Variants in CNTN3 observed in about 807,000 individuals in gnomAD.
CNTN3 encodes the protein contactin 3.
In CNTN3, 60 loss-of-function variants were observed where a neutral mutation model predicts 119.1. That is an observed-to-expected ratio of 0.50 (90% CI 0.41 to 0.62). The LOEUF (loss-of-function observed/expected upper bound fraction) is 0.62. Among genes scored for constraint, CNTN3 ranks in the 20% least tolerant of loss-of-function variants. The probability of loss-of-function intolerance (pLI) is 0.00; values close to 1 mark genes in which losing one functional copy is unlikely to be tolerated. For missense variants in CNTN3, 1,101 were observed against 1,242.4 expected, an observed-to-expected ratio of 0.89 and a Z score of 1.71; for synonymous variants, 450 against 438.7, an observed-to-expected ratio of 1.03 and a Z score of -0.32.
chr3:74,407,553 G>T (rs2106863323), intron 5 of CNTN3, among the ~76,000 whole-genome samples: 1 of 151,384 alleles, frequency 6.6e-6, no homozygotes. Context: ...GATTACAAGT[G>T]TGAGCCACCG....
chr3:74,579,765 G>A (rs1440497947), intron 1 of CNTN3, among the ~76,000 whole-genome samples: 1 of 152,068 alleles, frequency 6.6e-6, no homozygotes, highest in Admixed American at 6.6e-5. Context: ...TGGAAGCGTT[G>A]TTAAAAAGAA....
chr3:74,505,919 ATTT>A (rs1445229567), intron 2 of CNTN3, among the ~76,000 whole-genome samples: 1 of 152,102 alleles, frequency 6.6e-6, no homozygotes, highest in Non-Finnish European at 1.5e-5. Context: ...TCACTACATG[ATTT>A]TTCTCATTGC....
intron 19 of CNTN3, among the ~76,000 whole-genome samples, chr3:74,286,929 G>A (rs1408989966): frequency 6.6e-6 from 1 of 152,214 alleles, no homozygotes; most frequent in African/African-American, 2.4e-5. Flanking sequence ...CAGACAGCAG[G>A]AGGGAAAGGA....
At chr3:74,359,775 T>C (rs1248659438) in intron 11 of CNTN3, among the ~76,000 whole-genome samples, 1 of 152,220 alleles carries the variant, frequency 6.6e-6, no homozygotes, top group Non-Finnish European at 1.5e-5. Flanking sequence ...TTTAGCATTG[T>C]ACAAAGCATT....
chr3:74,475,366 G>T (rs763788875), intron 4 of CNTN3, among the ~76,000 whole-genome samples: 1 of 152,148 alleles, frequency 6.6e-6, no homozygotes, highest in Non-Finnish European at 1.5e-5. Flanking sequence ...AGCTTACACC[G>T]TGGTTGCTGG....
intron 11 of CNTN3, among the ~76,000 whole-genome samples, chr3:74,350,459 T>C (rs1412119118): frequency 2.6e-5 from 4 of 152,146 alleles, no homozygotes; most frequent in Non-Finnish European, 1.5e-5. Flanking sequence ...AGGGAACACA[T>C]ATACTGCTAG....
chr3:74,395,308 C>T (rs928314818), intron 5 of CNTN3, among the ~76,000 whole-genome samples: 1 of 152,088 alleles, frequency 6.6e-6, no homozygotes, highest in South Asian at 2.1e-4. Flanking sequence ...CCAAGACTGA[C>T]TTGATTCAGG....
At chr3:74,582,816 AC>A (rs969765443) in intron 1 of CNTN3, among the ~76,000 whole-genome samples, 13 of 119,670 alleles carry the variant, frequency 1.1e-4, no homozygotes, top group African/African-American at 5.9e-4. Flanking sequence ...TGTGTGTGTG[AC>A]CCTACGACAC....
chr3:74,442,987 A>G (rs944001768), intron 4 of CNTN3, among the ~76,000 whole-genome samples: 2 of 152,222 alleles, frequency 1.3e-5, no homozygotes, highest in African/African-American at 4.8e-5. Flanking sequence ...TCTGCCTCCA[A>G]TGAAGAAGTT....
intron 5 of CNTN3, among the ~76,000 whole-genome samples, chr3:74,382,473 C>G (rs1174018713): frequency 6.6e-6 from 1 of 152,022 alleles, no homozygotes; most frequent in Non-Finnish European, 1.5e-5. Context: ...TCCTATCTAA[C>G]CGAAATTTTG....
intron 5 of CNTN3, among the ~76,000 whole-genome samples, chr3:74,372,746 G>A (rs1704373267): frequency 6.6e-6 from 1 of 152,098 alleles, no homozygotes; most frequent in Non-Finnish European, 1.5e-5. Flanking sequence ...ATAAGGAGAA[G>A]GGTTAGATGA....
At chr3:74,588,009 G>A (rs1704626818) in intron 1 of CNTN3, among the ~76,000 whole-genome samples, 1 of 152,088 alleles carries the variant, frequency 6.6e-6, no homozygotes, top group Admixed American at 6.6e-5. Context: ...CATGAAGGTT[G>A]TTGAATTTTG....
At chr3:74,580,513 T>C (rs1184373357) in intron 1 of CNTN3, among the ~76,000 whole-genome samples, 2 of 152,110 alleles carry the variant, frequency 1.3e-5, no homozygotes, top group Non-Finnish European at 2.9e-5. Flanking sequence ...TCCTTAAAAA[T>C]ATTACCAAAT....
intron 4 of CNTN3, among the ~76,000 whole-genome samples, chr3:74,441,364 C>T (rs540668378): frequency 6.6e-6 from 1 of 152,014 alleles, no homozygotes; most frequent in Non-Finnish European, 1.5e-5. Flanking sequence ...ATGCATTTGC[C>T]TTTGTTTCTC....
At chr3:74,515,385 T>C (rs949856786) in intron 2 of CNTN3, among the ~76,000 whole-genome samples, 3 of 152,038 alleles carry the variant, frequency 2.0e-5, no homozygotes, top group Non-Finnish European at 4.4e-5. Context: ...CATGAGGAAA[T>C]GGCCTCTTTC....
intron 4 of CNTN3, among the ~76,000 whole-genome samples, chr3:74,446,256 A>T (rs1319843823): frequency 6.6e-6 from 1 of 152,190 alleles, no homozygotes; most frequent in African/African-American, 2.4e-5. Context: ...CAACAAAAAT[A>T]GCATATGTGA....
chr3:74,366,776 G>A (rs908967319), intron 8 of CNTN3, among the ~76,000 whole-genome samples: 46 of 35,618 alleles, frequency 1.3e-3, no homozygotes, highest in African/African-American at 5.6e-3. Flanking sequence ...GTGTGTGTGT[G>A]TGTGTATATA....
At chr3:74,446,683 G>T (rs200551404) in intron 4 of CNTN3, among the ~76,000 whole-genome samples, 32 of 136,970 alleles carry the variant, frequency 2.3e-4, no homozygotes, top group Non-Finnish European at 2.7e-4. Context: ...AATTTTACTT[G>T]TTTTTTTTTT....
intron 19 of CNTN3, among the ~76,000 whole-genome samples, chr3:74,291,875 G>A (rs980559554): frequency 7.2e-5 from 11 of 152,062 alleles, no homozygotes; most frequent in South Asian, 2.1e-4. Context: ...AATCACTGCC[G>A]AGTGTGGGAA....
Sources: gnomAD v4.1 joint callset for allele counts (sites outside exome capture counted in the v4.1 genomes callset) on GRCh38, gnomAD v4.1.1 for gene constraint, MANE v1.5 for transcripts, NCBI Gene and HGNC (gene_info 2026-07-23, HGNC 2026-07-21) for gene names.